PLEKHG7: variants seen among roughly 807,000 people sequenced by gnomAD.
PLEKHG7 encodes the protein pleckstrin homology and RhoGEF domain containing G7.
PLEKHG7 carries 77 observed loss-of-function variants against 85.2 expected under a neutral mutation model. The observed-to-expected ratio is 0.90, with a 90% CI of 0.75 to 1.09. The LOEUF is 1.09. PLEKHG7 is among the 50% of genes least tolerant of loss of function. The pLI is 0.00. For synonymous variants in PLEKHG7, 301 were observed against 302.4 expected, an observed-to-expected ratio of 1.00 and a Z score of 0.05; for missense variants, 777 against 804.3, an observed-to-expected ratio of 0.97 and a Z score of 0.41.
chr12:92,747,681 G>A (rs893538848), intron 10 of PLEKHG7, among the ~76,000 whole-genome samples: 4 of 152,160 alleles, frequency 2.6e-5, no homozygotes, highest in African/African-American at 9.7e-5. Context: ...AGATGATTAG[G>A]TAAAGAAAAT....
chr12:92,761,627 A>AAAGAAAGAAAGAAAGG (rs1555196580), intron 13 of PLEKHG7, 125 bp from the exon 14 acceptor site: 5,308 of 79,242 alleles, frequency 0.067, 141 homozygotes, highest in Admixed American at 0.17. Context: ...AAGAAAGAAG[A>AAAGAAAGAAAGAAAGG]AAGAAAGAAA....
At chr12:92,715,803 A>C (rs1016073193) in intron 3 of PLEKHG7, among the ~76,000 whole-genome samples, 1 of 152,066 alleles carries the variant, frequency 6.6e-6, no homozygotes, top group Admixed American at 6.6e-5. Context: ...TCTGTTAATA[A>C]AGCTTTATTG....
intron 3 of PLEKHG7, among the ~76,000 whole-genome samples, chr12:92,720,065 T>C (rs1266154400): frequency 1.3e-5 from 2 of 152,224 alleles, no homozygotes; most frequent in African/African-American, 4.8e-5. Context: ...CCATATTCGT[T>C]TCCTGTGGCT....
Position 92,736,578 on chromosome 12 carries a change from G to C in PLEKHG7, c.795+1G>C, listed in dbSNP as rs1424986234. ...GGGCTATGACTTCTACGGTCTTAAG[G>C]TATCTTTCAAACTGTTAACTATGGG... On this transcript the variant is annotated splice_donor_variant, in intron 6 of 16. Transcript: ENST00000344636. LOFTEE classifies it high-confidence loss of function. The C allele has an allele frequency of 3.3e-6, 4 of 1,223,892 alleles. No individual in the cohort carries two copies. The highest frequency in any genetic ancestry group is 1.6e-5 in the African/African-American group (1 of 64,182). The allele number at this position is 1,223,892 out of a possible 1,614,324, so 75.8% of individuals were successfully genotyped here.
chr12:92,746,038 T>A (rs1349927179), intron 10 of PLEKHG7, among the ~76,000 whole-genome samples: 1 of 152,196 alleles, frequency 6.6e-6, no homozygotes, highest in East Asian at 1.9e-4. Context: ...AAGCACAATG[T>A]CAATGTTGCC....
intron 3 of PLEKHG7, among the ~76,000 whole-genome samples, chr12:92,710,799 T>A (rs1000191553): frequency 3.3e-5 from 5 of 152,180 alleles, no homozygotes; most frequent in African/African-American, 1.2e-4. Context: ...GGCTACTTTG[T>A]TCATGGGCCC....
At chr12:92,734,114 G>GT (rs1239122281) in intron 5 of PLEKHG7, among the ~76,000 whole-genome samples, 1 of 152,170 alleles carries the variant, frequency 6.6e-6, no homozygotes, top group African/African-American at 2.4e-5. Context: ...CACAATATCT[G>GT]TTTTCTTAAA....
intron 1 of PLEKHG7, among the ~76,000 whole-genome samples, chr12:92,703,906 C>T (rs1242663102): frequency 6.6e-6 from 1 of 152,196 alleles, no homozygotes; most frequent in African/African-American, 2.4e-5. Flanking sequence ...CCTAACCCCT[C>T]AAAAGAGGAG....
chr12:92,711,954 T>G (rs1201446556), intron 3 of PLEKHG7, among the ~76,000 whole-genome samples: 1 of 152,232 alleles, frequency 6.6e-6, no homozygotes, highest in African/African-American at 2.4e-5. Context: ...CTAGGCATTG[T>G]ACCTCTTTCT....
chr12:92,761,608 AAAGAAAGAAAGAAAG>A (rs1205613881), intron 13 of PLEKHG7, 129 bp from the exon 14 acceptor site: 95 of 1,007,150 alleles, frequency 9.4e-5, no homozygotes, highest in Middle Eastern at 2.9e-4. Flanking sequence ...AAAGAAAGAA[AAAGAAAGAAAGAAAG>A]AAGAAAGAAA....
Position 92,737,365 on chromosome 12 carries a change from C to A in PLEKHG7, c.796-13C>A, listed in dbSNP as rs1592680245. ...TGGAAATGTTTTGTTCTCTCTTTTT[C>A]CCTCATGTACAGGATAAGACCTGGG... On this transcript the variant is annotated splice_polypyrimidine_tract_variant and intron_variant, in intron 6 of 16. Coordinates refer to ENST00000344636, the MANE Select transcript of PLEKHG7 (RefSeq NM_001377329.1). 1.3e-5 allele frequency: 18 copies of A among 1,408,492 alleles called. No individual in the cohort carries two copies. The highest frequency in any genetic ancestry group is 1.7e-5 in the Non-Finnish European group (18 of 1,080,126). The allele number at this position is 1,408,492 out of a possible 1,614,324, so 87.2% of individuals were successfully genotyped here.
Position 92,761,800 on chromosome 12 carries a change from T to C in PLEKHG7, c.1685T>C (p.Leu562Pro). 6.3e-7 allele frequency: 1 copy of C among 1,578,094 alleles called. No homozygotes were observed. Among genetic ancestry groups the C allele is most frequent in the Non-Finnish European group, 8.6e-7 (1 of 1,167,734 alleles). ...DVYLFLFNDF[L>P]LVTKTKCNKK... is the part of the protein sequence containing the mutation. ...TATCTGTTTCTCTTCAATGATTTCCTCTTAGTTACGAAAACTAAGTGCAAC... is the reference window on the plus strand; with the variant it reads ...TATCTGTTTCTCTTCAATGATTTCCCCTTAGTTACGAAAACTAAGTGCAAC... The change falls in exon 14 of 17, where the codon CTC (leucine) becomes CCC (proline). Residue 562 changes from leucine (L) to proline (P), a missense_variant. Physicochemically the swap from Leu to Pro is moderately conservative, Grantham distance 98. Coordinates refer to ENST00000344636, the MANE Select transcript of PLEKHG7 (RefSeq NM_001377329.1).
rs983648753 is a variant in PLEKHG7 at position 92,711,111 on chromosome 12, C to T, written c.530+3439C>T. Among the ~76,000 whole-genome samples the T allele has an allele frequency of 7.9e-5, 12 of 152,294 alleles. No individual in the cohort carries two copies. The East Asian group carries it at 1.7e-3, about 22-fold the overall frequency. ...ATAATCGCACATCTGGCCATTTCTC[C>T]CTCCATGCAAAGTACACAACCAGGT... On this transcript the variant is annotated intron_variant, in intron 3 of 16. Coordinates refer to ENST00000344636, the MANE Select transcript of PLEKHG7 (RefSeq NM_001377329.1).
intron 2 of PLEKHG7, 181 bp downstream of exon 2, chr12:92,707,319 A>G (rs998367023): frequency 5.6e-6 from 8 of 1,430,024 alleles, no homozygotes; most frequent in African/African-American, 1.4e-5. Context: ...GAGGGCAGCA[A>G]TCTGGGGAGG....
At chr12:92,769,162 G>C in intron 16 of PLEKHG7, 82 bp downstream of exon 16, 1 of 1,103,588 alleles carries the variant, frequency 9.1e-7, no homozygotes, top group Non-Finnish European at 1.3e-6. Flanking sequence ...ACAGTGAATG[G>C]AAAGTTTTGT....
intron 9 of PLEKHG7, among the ~76,000 whole-genome samples, 157 bp from the exon 10 acceptor site, chr12:92,745,321 T>C (rs1872499609): frequency 6.8e-6 from 1 of 147,708 alleles, no homozygotes; most frequent in African/African-American, 2.7e-5. Context: ...GAGATTACCT[T>C]TGTATTTCCA....
chr12:92,748,402 G>A (rs770190926), intron 10 of PLEKHG7, among the ~76,000 whole-genome samples: 12 of 152,004 alleles, frequency 7.9e-5, no homozygotes, highest in South Asian at 2.1e-4. Flanking sequence ...GCCTGCCACC[G>A]TGCCTGGCAA....
At chr12:92,727,810 C>T (rs530781082) in intron 3 of PLEKHG7, among the ~76,000 whole-genome samples, 2 of 151,826 alleles carry the variant, frequency 1.3e-5, no homozygotes, top group Admixed American at 1.3e-4. Flanking sequence ...AGGCTAGTCT[C>T]GAACTCCTGA....
At chr12:92,743,930 T>C (rs1872444320) in intron 9 of PLEKHG7, among the ~76,000 whole-genome samples, 1 of 152,182 alleles carries the variant, frequency 6.6e-6, no homozygotes, top group South Asian at 2.1e-4. Context: ...AGCATCTCAG[T>C]GTCCATGAGA....
Sources: allele counts gnomAD v4.1 joint callset (sites outside exome capture counted in the v4.1 genomes callset), GRCh38; gene constraint gnomAD v4.1.1; transcripts MANE v1.5; gene names NCBI Gene and HGNC (gene_info 2026-07-23, HGNC 2026-07-21).